The following DR1 variants were observed in gnomAD, a reference collection of about 807,000 sequenced individuals.
The protein encoded by DR1 is protein Dr1.
Under a neutral mutation model 19.9 loss-of-function variants are expected in DR1, and 7 were observed. The ratio of observed to expected loss-of-function variants is 0.35; its 90% CI spans 0.20 to 0.66. The LOEUF is 0.66. Among genes scored for constraint, DR1 ranks in the 30% least tolerant of loss-of-function variants. The pLI is 0.66. For synonymous variants in DR1, 76 were observed against 72.5 expected (o/e 1.05, Z -0.24); for missense variants, 98 against 203.7 (o/e 0.48, Z 3.16).
In DR1 at chr1:93,346,669, T is replaced by C. The variant is rs372776659; in HGVS notation, c.24T>C (p.Asp8=). The change falls in exon 1 of 3, where the codon GAT becomes GAC. Residue 8 remains aspartate (D), a synonymous_variant. Transcript: ENST00000370272. MASSSGN[D]DDLTIPRAAI... Reference sequence around the variant, plus strand: ...CTATGGCTTCCTCGTCTGGCAACGATGATGATCTCACTATCCCCAGAGCTG... The same window carrying C: ...CTATGGCTTCCTCGTCTGGCAACGACGATGATCTCACTATCCCCAGAGCTG... 4 of 1,614,000 alleles carry C rather than the reference T, an allele frequency of 2.5e-6. No individual in the cohort carries two copies. The African/African-American group carries it at 4.0e-5, about 16-fold the overall frequency.
At position 93,346,948 on chromosome 1, in the gene DR1, C is replaced by T. The variant is rs969888976; in HGVS notation, c.220+83C>T. On this transcript the variant is annotated intron_variant, in intron 1 of 2. Coordinates refer to ENST00000370272, the MANE Select transcript of DR1 (RefSeq NM_001938.3). ...GCGTGACCCTTTCGTGTCAAAGCCT[C>T]CATTCCTCTTCCCTGGTAAGTAACT... 7 of 1,221,922 alleles carry T rather than the reference C, an allele frequency of 5.7e-6. No homozygotes were observed. The African/African-American group carries it at 1.1e-4, about 18-fold the overall frequency. 75.7% of individuals were successfully genotyped at this position (1,221,922 alleles called of 1,614,324 possible).
chr1:93,362,281 G>T lies in DR1; in HGVS notation c.*1642G>T, dbSNP rs1360344359. 1 of 152,390 alleles carries T rather than the reference G, an allele frequency of 6.6e-6. No homozygotes were observed. Among genetic ancestry groups the T allele is most frequent in the Non-Finnish European group, 1.5e-5 (1 of 67,876 alleles). The allele number at this position is 152,390 out of a possible 1,614,324, so 9.4% of individuals were successfully genotyped here. Reference sequence around the variant, plus strand: ...TGAAGTGCATTTGGATGAGATAGAAGAAATTGTTTTTTAAAAAGTTTAAGT... The same window carrying T: ...TGAAGTGCATTTGGATGAGATAGAATAAATTGTTTTTTAAAAAGTTTAAGT... On this transcript the variant is annotated 3_prime_UTR_variant, in exon 3 of 3. Coordinates refer to ENST00000370272, the MANE Select transcript of DR1 (RefSeq NM_001938.3).
Position 93,346,115 on chromosome 1 carries a change from A to G in DR1, c.-531A>G. Reference sequence around the variant, plus strand: ...GCGGCAGCGGCAGCGGCAGCGGCGGACATGTTGTGAGGCGGCGGCGCGGGT... The same window carrying G: ...GCGGCAGCGGCAGCGGCAGCGGCGGGCATGTTGTGAGGCGGCGGCGCGGGT... On this transcript the variant is annotated 5_prime_UTR_variant, in exon 1 of 3. Transcript: ENST00000370272. 4.7e-6 allele frequency: 1 copy of G among 212,330 alleles called. No individual in the cohort carries two copies. The highest frequency in any genetic ancestry group is 9.3e-6 in the Non-Finnish European group (1 of 107,500). 13.2% of individuals were successfully genotyped at this position (212,330 alleles called of 1,614,324 possible).
In DR1 at chr1:93,368,205, C is replaced by T. The variant is rs138183760; in HGVS notation, c.*7566C>T. The T allele has an allele frequency of 6.6e-6, 1 of 152,252 alleles. No individual in the cohort carries two copies. Among genetic ancestry groups the T allele is most frequent in the Non-Finnish European group, 1.5e-5 (1 of 68,020 alleles). 9.4% of individuals were successfully genotyped at this position (152,252 alleles called of 1,614,324 possible). ...CACACCATTAAAAATAATAGACATA[C>T]AGTATGCAGTATTTTGTTTTACTTA... On this transcript the variant is annotated 3_prime_UTR_variant, in exon 3 of 3. Transcript: ENST00000370272.
chr1:93,366,840 A>G lies in DR1; in HGVS notation c.*6201A>G, dbSNP rs966494662. 3 of 152,194 alleles carry G rather than the reference A, an allele frequency of 2.0e-5. No individual in the cohort carries two copies. The highest frequency in any genetic ancestry group is 7.2e-5 in the African/African-American group (3 of 41,442). 9.4% of individuals were successfully genotyped at this position (152,194 alleles called of 1,614,324 possible). On this transcript the variant is annotated 3_prime_UTR_variant, in exon 3 of 3. Coordinates refer to ENST00000370272, the MANE Select transcript of DR1 (RefSeq NM_001938.3). ...AATATGGTGAAACCCGTCTCTACAG[A>G]AAAATTCAAAAATTAGCCAGAGGTG... is the stretch of plus-strand genomic sequence containing the variant.
chr1:93,361,439 ATAT>A lies in DR1; in HGVS notation c.*805_*807del, dbSNP rs1385054986. The A allele has an allele frequency of 2.0e-5, 3 of 152,688 alleles. No individual in the cohort carries two copies. The highest frequency in any genetic ancestry group is 4.4e-5 in the Non-Finnish European group (3 of 67,982). 9.5% of individuals were successfully genotyped at this position (152,688 alleles called of 1,614,324 possible). On this transcript the variant is annotated 3_prime_UTR_variant, in exon 3 of 3. Coordinates refer to ENST00000370272, the MANE Select transcript of DR1 (RefSeq NM_001938.3). ...TTACTTACCTAGTCCATCCATACTC[ATAT>A]TATTCAAATATATAGGTGGTACTTT...
chr1:93,358,017 T>A (rs1040038766), intron 2 of DR1, among the ~76,000 whole-genome samples: 2 of 152,192 alleles, frequency 1.3e-5, no homozygotes, highest in South Asian at 4.1e-4. Context: ...CTCACACCTG[T>A]AATCATAGCA....
intron 2 of DR1, among the ~76,000 whole-genome samples, chr1:93,357,896 T>TA (rs200079470): frequency 0.016 from 2,435 of 151,166 alleles, 31 homozygotes; most frequent in Non-Finnish European, 0.025. Flanking sequence ...ACTATAGATA[T>TA]AAAAAAAAAT....
At chr1:93,352,505 A>T (rs1666926147) in intron 1 of DR1, among the ~76,000 whole-genome samples, 2 of 152,236 alleles carry the variant, frequency 1.3e-5, no homozygotes, top group Non-Finnish European at 2.9e-5. Flanking sequence ...AAGAAGGTTG[A>T]TGAAAACAGC....
At chr1:93,347,182 A>G (rs1039201256) in intron 1 of DR1, among the ~76,000 whole-genome samples, 6 of 152,244 alleles carry the variant, frequency 3.9e-5, no homozygotes, top group Non-Finnish European at 5.9e-5. Flanking sequence ...AGTTGAACTT[A>G]GATAATAATT....
At chr1:93,349,285 C>A (rs1014904809) in intron 1 of DR1, among the ~76,000 whole-genome samples, 1 of 151,756 alleles carries the variant, frequency 6.6e-6, no homozygotes, top group Non-Finnish European at 1.5e-5. Flanking sequence ...TTCTGTTTTG[C>A]TTATTTTGAG....
intron 1 of DR1, among the ~76,000 whole-genome samples, chr1:93,350,995 C>T (rs1475952639): frequency 1.3e-5 from 2 of 152,010 alleles, no homozygotes; most frequent in Non-Finnish European, 2.9e-5. Flanking sequence ...TAAGAATGGC[C>T]CTCTAGTATG....
At chr1:93,353,054 T>G (rs541767783) in intron 1 of DR1, among the ~76,000 whole-genome samples, 6 of 152,036 alleles carry the variant, frequency 3.9e-5, no homozygotes, top group African/African-American at 1.4e-4. Flanking sequence ...CCCATCACAC[T>G]CGACTAATTT....
chr1:93,353,389 AC>A (rs1192790025), intron 1 of DR1, among the ~76,000 whole-genome samples: 1 of 152,092 alleles, frequency 6.6e-6, no homozygotes, highest in Admixed American at 6.5e-5. Context: ...GAATTTCATG[AC>A]TTTTATTTCC....
intron 1 of DR1, among the ~76,000 whole-genome samples, chr1:93,349,025 T>C (rs1666886185): frequency 6.6e-6 from 1 of 152,096 alleles, no homozygotes; most frequent in Non-Finnish European, 1.5e-5. Flanking sequence ...ATGTAGAATA[T>C]ATCCAAATGG....
intron 1 of DR1, among the ~76,000 whole-genome samples, chr1:93,349,664 C>G (rs1220567161): frequency 1.3e-5 from 2 of 152,028 alleles, no homozygotes; most frequent in African/African-American, 4.8e-5. Context: ...GAAAGAGTAT[C>G]TGAGAATTTG....
At chr1:93,353,747 C>T (rs926642908) in intron 1 of DR1, among the ~76,000 whole-genome samples, 161 bp from the exon 2 acceptor site, 3 of 152,118 alleles carry the variant, frequency 2.0e-5, no homozygotes, top group African/African-American at 7.2e-5. Flanking sequence ...GTCTTGGCTG[C>T]CCAGACAGTT....
intron 2 of DR1, among the ~76,000 whole-genome samples, chr1:93,357,977 T>C (rs974374995): frequency 7.9e-5 from 12 of 152,138 alleles, no homozygotes; most frequent in South Asian, 2.1e-4. Context: ...TGACCACTTA[T>C]GAGAAAGAGA....
rs1294785785 is a variant in DR1 at position 93,363,037 on chromosome 1, G to A, written c.*2398G>A. On this transcript the variant is annotated 3_prime_UTR_variant, in exon 3 of 3. Coordinates refer to ENST00000370272, the MANE Select transcript of DR1 (RefSeq NM_001938.3). ...TTATCAGATTAGTAAGTGTTTAAAAGGCATCAGTTTTTAAAACTGCATATA... is the reference window on the plus strand; with the variant it reads ...TTATCAGATTAGTAAGTGTTTAAAAAGCATCAGTTTTTAAAACTGCATATA... 1 of 151,582 alleles carries A rather than the reference G, an allele frequency of 6.6e-6. No individual in the cohort carries two copies. The highest frequency in any genetic ancestry group is 2.4e-5 in the African/African-American group (1 of 41,368). 9.4% of individuals were successfully genotyped at this position (151,582 alleles called of 1,614,324 possible). A position where few individuals can be genotyped will look rare whatever the true frequency, so the allele number is the denominator to read the frequency against.
Sources: gnomAD v4.1 joint callset for allele counts (sites outside exome capture counted in the v4.1 genomes callset) on GRCh38, gnomAD v4.1.1 for gene constraint, MANE v1.5 for transcripts, NCBI Gene and HGNC (gene_info 2026-07-23, HGNC 2026-07-21) for gene names.